Variants in BCL7A observed in about 807,000 individuals in gnomAD.
The protein encoded by BCL7A is BAF chromatin remodeling complex subunit BCL7A.
A neutral mutation model predicts 28.4 loss-of-function variants in BCL7A; 11 were observed. That is an observed-to-expected ratio of 0.39 (90% CI 0.24 to 0.64). BCL7A has a LOEUF of 0.64. Among genes scored for constraint, BCL7A ranks in the 30% least tolerant of loss-of-function variants. The pLI is 0.50. For synonymous variants in BCL7A, 123 were observed against 103.3 expected, an observed-to-expected ratio of 1.19 and a Z score of -1.15; for missense variants, 222 against 274.8, an observed-to-expected ratio of 0.81 and a Z score of 1.36.
In BCL7A at chr12:122,059,696, C is replaced by G. The variant is rs963063336; in HGVS notation, c.*533C>G. ...GGCGGCTGCCACCCTACTCACCGCTCTCCTCCCTGCCCCAGGACTTCATCG... is the reference window on the plus strand; with the variant it reads ...GGCGGCTGCCACCCTACTCACCGCTGTCCTCCCTGCCCCAGGACTTCATCG... On this transcript the variant is annotated 3_prime_UTR_variant, in exon 6 of 6. Transcript: ENST00000261822. This position sits in a 1 kb window ranked among gnomAD's most constrained non-coding sequence, Gnocchi z 4.0. 4.3e-6 allele frequency: 1 copy of G among 232,932 alleles called. No individual in the cohort carries two copies. The highest frequency in any genetic ancestry group is 2.2e-5 in the African/African-American group (1 of 45,292). The allele number at this position is 232,932 out of a possible 1,614,324, so 14.4% of individuals were successfully genotyped here. A position where few individuals can be genotyped will look rare whatever the true frequency, so the allele number is the denominator to read the frequency against.
chr12:122,047,766 TCCTCCCACTTTGG>T (rs1025506853), intron 4 of BCL7A, among the ~76,000 whole-genome samples: 5 of 151,538 alleles, frequency 3.3e-5, no homozygotes, highest in Admixed American at 3.3e-4. Context: ...GCTCCAGTGA[TCCTCCCACTTTGG>T]CCTCCCAAAG....
intron 1 of BCL7A, among the ~76,000 whole-genome samples, chr12:122,023,902 G>A (rs556237599): frequency 1.3e-5 from 2 of 152,340 alleles, no homozygotes; most frequent in South Asian, 4.1e-4. Context: ...CGCCGGCCTG[G>A]AGGTTGGGAA....
chr12:122,032,207 C>G (rs933876318), intron 2 of BCL7A, among the ~76,000 whole-genome samples: 1 of 152,188 alleles, frequency 6.6e-6, no homozygotes, highest in African/African-American at 2.4e-5. Context: ...TTCTTCACCC[C>G]GTGATCACAT....
intron 4 of BCL7A, among the ~76,000 whole-genome samples, chr12:122,050,121 C>T (rs1173358480): frequency 2.0e-5 from 3 of 152,264 alleles, no homozygotes; most frequent in Middle Eastern, 3.4e-3. Context: ...GGACTACAGG[C>T]GTGCATTTGC....
At chr12:122,047,052 C>T (rs1038369179) in intron 4 of BCL7A, among the ~76,000 whole-genome samples, 1 of 151,816 alleles carries the variant, frequency 6.6e-6, no homozygotes, top group African/African-American at 2.4e-5. Flanking sequence ...TACAGGCGTG[C>T]ACCACCACGC....
Position 122,021,924 on chromosome 12 carries a change from G to GGGTA in BCL7A, c.-168_-167insGGTA. On this transcript the variant is annotated 5_prime_UTR_variant, in exon 1 of 6. The change creates a new upstream start codon in the 5' untranslated region. Transcript: ENST00000261822. ...CGCGGCGGCCCCGGGCTTTGTGTGT[G>GGGTA]TGTGTATGTGTGTGTGTGTGTGTGT... 1 of 433,278 alleles carries GGGTA rather than the reference G, an allele frequency of 2.3e-6. No individual in the cohort carries two copies. The highest frequency in any genetic ancestry group is 4.1e-6 in the Non-Finnish European group (1 of 244,468). The allele number at this position is 433,278 out of a possible 1,614,324, so 26.8% of individuals were successfully genotyped here.
intron 2 of BCL7A, among the ~76,000 whole-genome samples, 162 bp downstream of exon 2, chr12:122,030,943 A>G (rs1208096416): frequency 6.6e-6 from 1 of 152,118 alleles, no homozygotes; most frequent in African/African-American, 2.4e-5. Context: ...CTGCTGTACC[A>G]GTCCCCACCC....
intron 5 of BCL7A, 166 bp downstream of exon 5, chr12:122,055,092 C>A (rs1211169739): frequency 7.1e-7 from 1 of 1,413,084 alleles, no homozygotes; most frequent in Non-Finnish European, 9.6e-7. Flanking sequence ...CAGTCCTGGG[C>A]TCTGCCTTGG....
rs1392610911 is a variant in BCL7A, at chr12:122,061,422, C to G, written c.*2259C>G. On this transcript the variant is annotated 3_prime_UTR_variant, in exon 6 of 6. Transcript: ENST00000261822. ...GCGATTGGGACCAGCTGGGCCCCAC[C>G]ACGGCCACGCCAGGCAAAGCGCCAG... is the stretch of plus-strand genomic sequence containing the variant. The G allele has an allele frequency of 4.3e-6, 1 of 231,880 alleles. No individual in the cohort carries two copies. The highest frequency in any genetic ancestry group is 8.5e-6 in the Non-Finnish European group (1 of 117,282). The allele number at this position is 231,880 out of a possible 1,614,324, so 14.4% of individuals were successfully genotyped here. A position where few individuals can be genotyped will look rare whatever the true frequency, so the allele number is the denominator to read the frequency against.
chr12:122,052,481 C>T (rs1488318346), intron 4 of BCL7A, among the ~76,000 whole-genome samples: 1 of 152,158 alleles, frequency 6.6e-6, no homozygotes, highest in Non-Finnish European at 1.5e-5. Context: ...ACCTTGCACC[C>T]AGCCGCAATC....
In BCL7A at chr12:122,059,968, T is replaced by C. The variant is rs1951907286; in HGVS notation, c.*805T>C. On this transcript the variant is annotated 3_prime_UTR_variant, in exon 6 of 6. Coordinates refer to ENST00000261822, the MANE Select transcript of BCL7A (RefSeq NM_001024808.3). This position sits in a 1 kb window ranked among gnomAD's most constrained non-coding sequence, Gnocchi z 4.0. ...AGATGGACGTGCAAAGCCCTTGGAA[T>C]TTTCTGGCACTTCCTCTCTATTGCC... 2 of 232,966 alleles carry C rather than the reference T, an allele frequency of 8.6e-6. No homozygotes were observed. The highest frequency in any genetic ancestry group is 8.5e-6 in the Non-Finnish European group (1 of 117,684). The allele number at this position is 232,966 out of a possible 1,614,324, so 14.4% of individuals were successfully genotyped here.
chr12:122,035,078 C>T (rs1486729940), intron 2 of BCL7A, among the ~76,000 whole-genome samples: 1 of 152,204 alleles, frequency 6.6e-6, no homozygotes, highest in Admixed American at 6.5e-5. Flanking sequence ...GCTTATTTTC[C>T]AGGGTGCCGG....
chr12:122,044,757 T>C (rs1884036983), intron 4 of BCL7A, among the ~76,000 whole-genome samples: 1 of 149,832 alleles, frequency 6.7e-6, no homozygotes, highest in African/African-American at 2.5e-5. Flanking sequence ...GCTCAGGAGT[T>C]GGAGGCTGCA....
At chr12:122,046,242 C>T (rs1311219736) in intron 4 of BCL7A, among the ~76,000 whole-genome samples, 1 of 152,016 alleles carries the variant, frequency 6.6e-6, no homozygotes, top group Non-Finnish European at 1.5e-5. Context: ...CTCTGGGCAC[C>T]TGGAGGGACA....
intron 5 of BCL7A, among the ~76,000 whole-genome samples, chr12:122,058,411 C>G (rs377672846): frequency 2.0e-5 from 3 of 152,208 alleles, no homozygotes; most frequent in African/African-American, 7.2e-5. Flanking sequence ...GTAATCCCAG[C>G]ACTCTGGGAG....
At chr12:122,023,185 C>A (rs553036578) in intron 1 of BCL7A, among the ~76,000 whole-genome samples, 1 of 152,282 alleles carries the variant, frequency 6.6e-6, no homozygotes, top group Admixed American at 6.5e-5. Context: ...GAGGCGCAAG[C>A]AGATCGCCAG....
In BCL7A at chr12:122,059,192, T is replaced by A; in HGVS notation, c.*29T>A. 1 of 1,575,966 alleles carries A rather than the reference T, an allele frequency of 6.3e-7. No homozygotes were observed. Among genetic ancestry groups the A allele is most frequent in the Non-Finnish European group, 8.7e-7 (1 of 1,145,368 alleles). On this transcript the variant is annotated 3_prime_UTR_variant, in exon 6 of 6. Transcript: ENST00000261822. This position sits in a 1 kb window ranked among gnomAD's most constrained non-coding sequence, Gnocchi z 4.0. ...ATGCTTTAAAGCCTCCGATCCATGT[T>A]CCATGGAAGGTACATCAGCAATTAA...
At chr12:122,023,720 G>A (rs1883534991) in intron 1 of BCL7A, among the ~76,000 whole-genome samples, 1 of 152,164 alleles carries the variant, frequency 6.6e-6, no homozygotes, top group Admixed American at 6.5e-5. Flanking sequence ...GTGCCCGACT[G>A]GAGCCATTTA....
intron 5 of BCL7A, among the ~76,000 whole-genome samples, chr12:122,057,172 G>C (rs1420523020): frequency 1.3e-5 from 2 of 152,228 alleles, no homozygotes; most frequent in Non-Finnish European, 2.9e-5. Context: ...GGCTGGCTGT[G>C]AGCCGGACAT....
Sources: allele counts gnomAD v4.1 joint callset (sites outside exome capture counted in the v4.1 genomes callset), GRCh38; gene constraint gnomAD v4.1.1; non-coding constraint Gnocchi (gnomAD v3.1); transcripts MANE v1.5; gene names NCBI Gene and HGNC (gene_info 2026-07-23, HGNC 2026-07-21).